Variants in LRRTM3 observed in about 807,000 individuals in gnomAD.
The protein encoded by LRRTM3 is leucine rich repeat transmembrane neuronal 3.
LRRTM3 carries 24 observed loss-of-function variants against 44.7 expected under a neutral mutation model. That is an observed-to-expected ratio of 0.54 (90% CI 0.39 to 0.76). The LOEUF is 0.76. LRRTM3 is among the 30% of genes least tolerant of loss of function. LRRTM3 has a pLI of 0.00. For missense variants in LRRTM3, 587 were observed against 702.2 expected (o/e 0.84, Z 1.85); for synonymous variants, 277 against 278.7 (o/e 0.99, Z 0.06).
intron 2 of LRRTM3, among the ~76,000 whole-genome samples, chr10:66,971,426 CA>C (rs35802902): frequency 0.9 from 136,268 of 150,632 alleles, 62,784 homozygotes; most frequent in East Asian, 1. Context: ...GACTCCGTCT[CA>C]AAAAAAAAAA....
intron 2 of LRRTM3, among the ~76,000 whole-genome samples, chr10:67,016,823 A>T (rs7087739): frequency 0.9 from 137,726 of 152,204 alleles, 62,711 homozygotes; most frequent in Middle Eastern, 0.98. Context: ...TTCTTTGATA[A>T]TTTTAGTAGA....
At chr10:67,095,534 A>C (rs187491247) in intron 2 of LRRTM3, among the ~76,000 whole-genome samples, 1 of 151,824 alleles carries the variant, frequency 6.6e-6, no homozygotes, top group Non-Finnish European at 1.5e-5. Flanking sequence ...AGTAGCCTTG[A>C]TACATTAAAT....
chr10:67,082,184 G>A (rs1030716199), intron 2 of LRRTM3, among the ~76,000 whole-genome samples: 1 of 152,024 alleles, frequency 6.6e-6, no homozygotes, highest in South Asian at 2.1e-4. Flanking sequence ...ATTAAAAATT[G>A]GATCTGCTAC....
intron 2 of LRRTM3, among the ~76,000 whole-genome samples, chr10:66,987,829 G>T (rs1850819466): frequency 6.6e-6 from 1 of 152,164 alleles, no homozygotes; most frequent in African/African-American, 2.4e-5. Flanking sequence ...CCAGATTTAA[G>T]ATTTAATCAG....
intron 2 of LRRTM3, among the ~76,000 whole-genome samples, chr10:66,992,808 T>C (rs1197643650): frequency 2.0e-5 from 3 of 152,154 alleles, no homozygotes; most frequent in Non-Finnish European, 1.5e-5. Context: ...CACTAGTTCT[T>C]CCTTCTTCTC....
At chr10:67,046,390 T>C (rs1490701674) in intron 2 of LRRTM3, among the ~76,000 whole-genome samples, 1 of 152,220 alleles carries the variant, frequency 6.6e-6, no homozygotes, top group East Asian at 1.9e-4. Context: ...CAGTTATCTC[T>C]ACCAGAGTAA....
At chr10:67,047,664 C>G (rs1464242095) in intron 2 of LRRTM3, among the ~76,000 whole-genome samples, 1 of 151,932 alleles carries the variant, frequency 6.6e-6, no homozygotes, top group Non-Finnish European at 1.5e-5. Context: ...GAAATAAATT[C>G]ACATATATTT....
intron 2 of LRRTM3, among the ~76,000 whole-genome samples, chr10:67,031,956 T>C (rs539590732): frequency 7.9e-5 from 12 of 152,326 alleles, no homozygotes; most frequent in Non-Finnish European, 1.2e-4. Context: ...AATTACTTTT[T>C]AATCTCAGAA....
chr10:67,042,232 G>A (rs1360804609), intron 2 of LRRTM3, among the ~76,000 whole-genome samples: 1 of 152,088 alleles, frequency 6.6e-6, no homozygotes, highest in East Asian at 1.9e-4. Context: ...TGCAGGGGAT[G>A]AGCAATGGAA....
intron 2 of LRRTM3, among the ~76,000 whole-genome samples, chr10:66,936,992 T>C (rs942175218): frequency 6.6e-6 from 1 of 152,072 alleles, no homozygotes; most frequent in African/African-American, 2.4e-5. Context: ...CCTCTATAGA[T>C]TCCTCAGTAT....
At chr10:66,933,336 C>T (rs181040313) in intron 2 of LRRTM3, among the ~76,000 whole-genome samples, 294 of 152,234 alleles carry the variant, frequency 1.9e-3, no homozygotes, top group Non-Finnish European at 3.8e-3. Flanking sequence ...ATAAAGACAC[C>T]GACCAGCGAA....
At chr10:66,994,827 TTTCTATACATTGTACAAGTTATTTAA>T (rs1851240788) in intron 2 of LRRTM3, among the ~76,000 whole-genome samples, 1 of 152,200 alleles carries the variant, frequency 6.6e-6, no homozygotes, top group Non-Finnish European at 1.5e-5. Context: ...CCTTTGAGAA[TTTCTATACATTGTACAAGTTATTTAA>T]AATCTGCCAA....
chr10:66,935,878 G>T (rs1284369432), intron 2 of LRRTM3, among the ~76,000 whole-genome samples: 1 of 151,394 alleles, frequency 6.6e-6, no homozygotes, highest in Admixed American at 6.6e-5. Context: ...TTCTTTATAG[G>T]ACTGCTCTAA....
At chr10:67,081,470 G>A (rs1009310915) in intron 2 of LRRTM3, among the ~76,000 whole-genome samples, 3 of 152,158 alleles carry the variant, frequency 2.0e-5, no homozygotes, top group African/African-American at 7.2e-5. Context: ...CCATTTAACA[G>A]TGCCAATATT....
rs149838533 is a variant in LRRTM3 at position 67,023,292 on chromosome 10, T to C, written c.1537-74295T>C. Among the ~76,000 whole-genome samples the C allele has an allele frequency of 2.0e-5, 3 of 152,290 alleles. No individual in the cohort carries two copies. The East Asian group carries it at 5.8e-4, about 29-fold the overall frequency. On this transcript the variant is annotated intron_variant, in intron 2 of 2. Transcript: ENST00000361320. ...GATAGAGACCCAGGGAATGTGAAACTGCTGAAAAGGTTCTATGTAGAGTAG... is the reference window on the plus strand; with the variant it reads ...GATAGAGACCCAGGGAATGTGAAACCGCTGAAAAGGTTCTATGTAGAGTAG...
At chr10:66,997,657 T>C (rs186445655) in intron 2 of LRRTM3, among the ~76,000 whole-genome samples, 61 of 152,340 alleles carry the variant, frequency 4.0e-4, no homozygotes, top group African/African-American at 1.4e-3. Flanking sequence ...CTCTCTGTTC[T>C]ATCACATTTC....
chr10:66,991,134 T>C (rs763179326), intron 2 of LRRTM3, among the ~76,000 whole-genome samples: 1 of 151,844 alleles, frequency 6.6e-6, no homozygotes, highest in Non-Finnish European at 1.5e-5. Context: ...AACATAGGGG[T>C]TTTGTAAATG....
At position 66,927,832 on chromosome 10, in the gene LRRTM3, G is replaced by A; in HGVS notation, c.916G>A (p.Asp306Asn). ...EILDSWISLN[D>N]ISLAGNIWEC... ...TTTGGATTCTTGGATATCCCTCAAT[G>A]ACATCAGTCTTGCTGGGAATATATG... The change falls in exon 2 of 3, where the codon GAC becomes AAC. Residue 306 changes from aspartate (D) to asparagine (N), a missense_variant. This residue lies in a region of LRRTM3 where 222 missense variants were observed against 323.3 expected (regional missense o/e 0.69). Coordinates refer to ENST00000361320, the MANE Select transcript of LRRTM3 (RefSeq NM_178011.5). The surrounding 1 kb of genome is among the most constrained non-coding windows in gnomAD (Gnocchi z 4.7). The A allele has an allele frequency of 6.2e-7, 1 of 1,614,182 alleles. No homozygotes were observed.
Position 67,098,007 on chromosome 10 carries a change from T to C in LRRTM3, c.*211T>C. 1.7e-6 allele frequency: 1 copy of C among 574,068 alleles called. No individual in the cohort carries two copies. Among genetic ancestry groups the C allele is most frequent in the South Asian group, 2.1e-5 (1 of 47,346 alleles). 35.6% of individuals were successfully genotyped at this position (574,068 alleles called of 1,614,324 possible). A position where few individuals can be genotyped will look rare whatever the true frequency, so the allele number is the denominator to read the frequency against. ...GTAATTAGCTAAGTTGTGCAGTATT[T>C]TTTGACTTAAACAGAGTATGACCCT... On this transcript the variant is annotated 3_prime_UTR_variant, in exon 3 of 3. Coordinates refer to ENST00000361320, the MANE Select transcript of LRRTM3 (RefSeq NM_178011.5).
Sources: allele counts gnomAD v4.1 joint callset (sites outside exome capture counted in the v4.1 genomes callset), GRCh38; gene constraint gnomAD v4.1.1; regional missense constraint gnomAD v4.1.1; non-coding constraint Gnocchi (gnomAD v3.1); transcripts MANE v1.5; gene names NCBI Gene and HGNC (gene_info 2026-07-23, HGNC 2026-07-21).